COL23A1: variants seen among roughly 807,000 people sequenced by gnomAD.
The protein encoded by COL23A1 is collagen alpha-1(XXIII) chain.
In COL23A1, 97 loss-of-function variants were observed where a neutral mutation model predicts 99.3. The ratio of observed to expected loss-of-function variants is 0.98; its 90% CI spans 0.83 to 1.16. The LOEUF is 1.16. Ranked by LOEUF, COL23A1 falls within the 50% of genes most tolerant of loss-of-function variation. The probability of loss-of-function intolerance (pLI) is 0.00; values close to 1 mark genes in which losing one functional copy is unlikely to be tolerated. For missense variants in COL23A1, 762 were observed against 757.4 expected (o/e 1.01, Z -0.07); for synonymous variants, 320 against 308.2 (o/e 1.04, Z -0.40).
intron 2 of COL23A1, among the ~76,000 whole-genome samples, chr5:178,393,238 C>T (rs1223301857): frequency 6.6e-6 from 1 of 152,164 alleles, no homozygotes; most frequent in Admixed American, 6.5e-5. Context: ...TGCGACAGCA[C>T]GGATGGACCT....
intron 2 of COL23A1, among the ~76,000 whole-genome samples, chr5:178,537,528 G>A (rs987147708): frequency 7.9e-5 from 12 of 152,354 alleles, no homozygotes; most frequent in Non-Finnish European, 1.5e-4. Context: ...CTCAGAGGGA[G>A]TCTGTGGCAG....
At chr5:178,548,235 C>T (rs1225750034) in intron 2 of COL23A1, among the ~76,000 whole-genome samples, 1 of 151,638 alleles carries the variant, frequency 6.6e-6, no homozygotes, top group Non-Finnish European at 1.5e-5. Context: ...GTGACAAATG[C>T]CCACTCCGGC....
chr5:178,261,817 A>C, intron 10 of COL23A1, 69 bp from the exon 11 acceptor site: 1 of 1,326,808 alleles, frequency 7.5e-7, no homozygotes, highest in Non-Finnish European at 1.1e-6. Context: ...CCTTCTTAGC[A>C]TCCTGGCTTT....
chr5:178,510,476 G>A (rs1234302456), intron 2 of COL23A1, among the ~76,000 whole-genome samples: 2 of 152,190 alleles, frequency 1.3e-5, no homozygotes, highest in East Asian at 3.9e-4. Flanking sequence ...AGGAGGCGGA[G>A]GTTGCAGTGA....
At chr5:178,331,608 A>C (rs1241859025) in intron 2 of COL23A1, among the ~76,000 whole-genome samples, 1 of 152,214 alleles carries the variant, frequency 6.6e-6, no homozygotes, top group Admixed American at 6.5e-5. Context: ...GGACAGAGGC[A>C]GCCACCGACA....
chr5:178,536,835 G>A (rs1483305703), intron 2 of COL23A1, among the ~76,000 whole-genome samples: 1 of 152,198 alleles, frequency 6.6e-6, no homozygotes, highest in Non-Finnish European at 1.5e-5. Flanking sequence ...GGTCAGAGCT[G>A]GAGAGCCAGA....
chr5:178,316,846 T>C (rs1759007143), intron 2 of COL23A1, among the ~76,000 whole-genome samples: 1 of 142,678 alleles, frequency 7.0e-6, no homozygotes, highest in Non-Finnish European at 1.5e-5. Flanking sequence ...TGTGGACTTC[T>C]TTGCAAAAAA....
chr5:178,412,117 C>T (rs1046801079), intron 2 of COL23A1, among the ~76,000 whole-genome samples: 8 of 152,124 alleles, frequency 5.3e-5, no homozygotes, highest in African/African-American at 1.4e-4. Context: ...GCGTAAGTAT[C>T]GATCAATTGA....
chr5:178,548,029 ACACACCCACC>A (rs1761798194), intron 2 of COL23A1, among the ~76,000 whole-genome samples: 2 of 28,884 alleles, frequency 6.9e-5, no homozygotes, highest in African/African-American at 1.6e-4. Flanking sequence ...CCACCCACAA[ACACACCCACC>A]CCCACACCCA....
intron 2 of COL23A1, among the ~76,000 whole-genome samples, chr5:178,413,872 G>C (rs1367304756): frequency 6.6e-6 from 1 of 152,122 alleles, no homozygotes; most frequent in Non-Finnish European, 1.5e-5. Flanking sequence ...AGGTGGGTGG[G>C]TGTCAGTTTC....
At chr5:178,452,470 A>C (rs1767543137) in intron 2 of COL23A1, among the ~76,000 whole-genome samples, 1 of 152,224 alleles carries the variant, frequency 6.6e-6, no homozygotes, top group Admixed American at 6.5e-5. Context: ...GAACCATAAG[A>C]GAAAAGACTG....
chr5:178,354,189 T>C (rs1039852314), intron 2 of COL23A1, among the ~76,000 whole-genome samples: 1 of 152,078 alleles, frequency 6.6e-6, no homozygotes, highest in Admixed American at 6.6e-5. Context: ...TATTGAAGTA[T>C]AATTGGCAAA....
At position 178,544,110 on chromosome 5, in the gene COL23A1, A is replaced by G. The variant is rs982873819; in HGVS notation, c.361+16572T>C. Among the ~76,000 whole-genome samples the G allele has an allele frequency of 1.3e-5, 2 of 152,140 alleles. No individual in the cohort carries two copies. The highest frequency in any genetic ancestry group is 4.8e-5 in the African/African-American group (2 of 41,420). On this transcript the variant is annotated intron_variant, in intron 2 of 28. Transcript: ENST00000390654. The surrounding 1 kb of genome is among the most constrained non-coding windows in gnomAD (Gnocchi z 4.4). ...CTTTGGGACACAAGATTCAGTCCACAGCATAATCTCCGGGGCATGTCCCTC... is the reference window on the plus strand; with the variant it reads ...CTTTGGGACACAAGATTCAGTCCACGGCATAATCTCCGGGGCATGTCCCTC...
At position 178,259,810 on chromosome 5, in the gene COL23A1, C is replaced by T. The variant is rs115972260; in HGVS notation, c.703-63G>A. 2.2e-3 allele frequency: 3,238 copies of T among 1,497,272 alleles called. 60 individuals carry two copies. The African/African-American group carries it at 0.038, about 18-fold the overall frequency. 92.7% of individuals were successfully genotyped at this position (1,497,272 alleles called of 1,614,324 possible). A position where few individuals can be genotyped will look rare whatever the true frequency, so the allele number is the denominator to read the frequency against. On this transcript the variant is annotated intron_variant, in intron 11 of 28. Transcript: ENST00000390654. ...AACCATAGGAGAGTGGCCCGGACCC[C>T]GGACCTCTTGTTCCTCGGGTAGAAG...
At chr5:178,412,203 T>C (rs1765090498) in intron 2 of COL23A1, among the ~76,000 whole-genome samples, 1 of 152,234 alleles carries the variant, frequency 6.6e-6, no homozygotes, top group Admixed American at 6.5e-5. Context: ...GATCTGCATG[T>C]GACAATGTGA....
At chr5:178,396,909 C>A (rs1428083025) in intron 2 of COL23A1, among the ~76,000 whole-genome samples, 1 of 152,236 alleles carries the variant, frequency 6.6e-6, no homozygotes, top group Non-Finnish European at 1.5e-5. Flanking sequence ...CTTCAAAGAG[C>A]AGAACAGCTG....
At chr5:178,264,901 C>T (rs1755788512) in intron 8 of COL23A1, among the ~76,000 whole-genome samples, 1 of 152,206 alleles carries the variant, frequency 6.6e-6, no homozygotes, top group Admixed American at 6.5e-5. Flanking sequence ...CTGCCTTGGC[C>T]TCCCAAAGTG....
chr5:178,247,891 C>G (rs1396833467), intron 20 of COL23A1, 60 bp from the exon 21 acceptor site: 2 of 1,438,458 alleles, frequency 1.4e-6, no homozygotes, highest in African/African-American at 1.4e-5. Flanking sequence ...CTACCCGCAC[C>G]CGAGCTCATC....
intron 2 of COL23A1, among the ~76,000 whole-genome samples, chr5:178,513,871 TA>T (rs1158884866): frequency 8.8e-5 from 4 of 45,260 alleles, no homozygotes; most frequent in African/African-American, 3.6e-4. Flanking sequence ...TTTAAAAAAT[TA>T]TTTTTTTTAA....
Sources: gnomAD v4.1 joint callset for allele counts (sites outside exome capture counted in the v4.1 genomes callset) on GRCh38, gnomAD v4.1.1 for gene constraint, Gnocchi (gnomAD v3.1) non-coding constraint, MANE v1.5 for transcripts, NCBI Gene and HGNC (gene_info 2026-07-23, HGNC 2026-07-21) for gene names.